LINGO1: variants seen among roughly 807,000 people sequenced by gnomAD.
The protein encoded by LINGO1 is leucine-rich repeat and immunoglobulin-like domain-containing nogo receptor-interacting protein 1.
LINGO1 carries 11 observed loss-of-function variants against 37.3 expected under a neutral mutation model. That is an observed-to-expected ratio of 0.29 (90% confidence interval 0.19 to 0.49). The LOEUF (loss-of-function observed/expected upper bound fraction) is 0.49, where lower values mean the gene tolerates loss of function less well. LINGO1 is among the 20% of genes least tolerant of loss of function. The pLI is 0.99. For missense variants in LINGO1, 585 were observed against 878.2 expected (o/e 0.67, Z 4.22); for synonymous variants, 387 against 403.0 (o/e 0.96, Z 0.48).
intron 1 of LINGO1, among the ~76,000 whole-genome samples, chr15:77,783,481 G>A (rs1473433026): frequency 1.3e-5 from 2 of 152,144 alleles, no homozygotes; most frequent in Non-Finnish European, 2.9e-5. Flanking sequence ...AAAGGGAGCA[G>A]GTGGGGCTGA....
chr15:77,671,990 A>G (rs1250474345), intron 3 of LINGO1, among the ~76,000 whole-genome samples: 4 of 144,926 alleles, frequency 2.8e-5, no homozygotes, highest in Admixed American at 2.0e-4. Context: ...CAAACACATG[A>G]TGAGCCTCTG....
At chr15:77,803,108 A>G (rs2076932704) in intron 1 of LINGO1, among the ~76,000 whole-genome samples, 1 of 152,144 alleles carries the variant, frequency 6.6e-6, no homozygotes, top group Non-Finnish European at 1.5e-5. Flanking sequence ...GCCTCTCCCT[A>G]CAGGGCTGGA....
At chr15:77,810,264 ACACT>A (rs969468096) in intron 1 of LINGO1, among the ~76,000 whole-genome samples, 56 of 130,848 alleles carry the variant, frequency 4.3e-4, no homozygotes, top group African/African-American at 1.3e-3. Context: ...ACACATGCAC[ACACT>A]CACACACACA....
At chr15:77,732,959 G>GC (rs1487965868) in intron 2 of LINGO1, among the ~76,000 whole-genome samples, 1 of 152,198 alleles carries the variant, frequency 6.6e-6, no homozygotes, top group Non-Finnish European at 1.5e-5. Context: ...ACCGGCCACG[G>GC]CCGGCCTCCT....
chr15:77,804,318 G>A (rs568822259), intron 1 of LINGO1, among the ~76,000 whole-genome samples: 2 of 152,278 alleles, frequency 1.3e-5, no homozygotes, highest in East Asian at 3.9e-4. Flanking sequence ...GATATGCACC[G>A]AAGGCAAGAG....
At chr15:77,779,329 C>A (rs1209676382) in intron 1 of LINGO1, among the ~76,000 whole-genome samples, 2 of 152,150 alleles carry the variant, frequency 1.3e-5, no homozygotes, top group African/African-American at 4.8e-5. Flanking sequence ...GACAATTTTT[C>A]CACAGCCCAG....
At chr15:77,715,725 A>C (rs2075975773) in intron 2 of LINGO1, among the ~76,000 whole-genome samples, 1 of 152,068 alleles carries the variant, frequency 6.6e-6, no homozygotes, top group Non-Finnish European at 1.5e-5. Flanking sequence ...CCTCCTCATA[A>C]ATACCTCCAC....
At chr15:77,815,847 A>G (rs2077043306) in intron 1 of LINGO1, among the ~76,000 whole-genome samples, 1 of 151,580 alleles carries the variant, frequency 6.6e-6, no homozygotes, top group Admixed American at 6.6e-5. Flanking sequence ...ATCAGCCCAC[A>G]CTCCTCAGAT....
chr15:77,751,684 G>A (rs1261122371), intron 1 of LINGO1, among the ~76,000 whole-genome samples: 2 of 152,156 alleles, frequency 1.3e-5, no homozygotes, highest in African/African-American at 4.8e-5. Flanking sequence ...AAACTGTAGG[G>A]TAAGGAGCAC....
chr15:77,763,867 C>T (rs2076501806), intron 1 of LINGO1, among the ~76,000 whole-genome samples: 1 of 152,146 alleles, frequency 6.6e-6, no homozygotes, highest in Admixed American at 6.5e-5. Flanking sequence ...AAACACAGGG[C>T]TTCTGCCATG....
chr15:77,758,974 C>CT, intron 1 of LINGO1, among the ~76,000 whole-genome samples: 1 of 152,152 alleles, frequency 6.6e-6, no homozygotes. Flanking sequence ...CCACTCAGCC[C>CT]ATAGGGAGCC....
chr15:77,642,935 C>A (rs931477650), intron 3 of LINGO1, among the ~76,000 whole-genome samples: 2 of 152,228 alleles, frequency 1.3e-5, no homozygotes, highest in African/African-American at 4.8e-5. Context: ...GCCTTAGCTG[C>A]CTGAGGCCAT....
At chr15:77,732,153 C>T (rs916717874) in intron 2 of LINGO1, among the ~76,000 whole-genome samples, 9 of 152,156 alleles carry the variant, frequency 5.9e-5, no homozygotes, top group African/African-American at 1.7e-4. Context: ...CACAGAGAAA[C>T]CATGAACCCA....
At chr15:77,750,638 C>G (rs1220752948) in intron 1 of LINGO1, among the ~76,000 whole-genome samples, 2 of 152,250 alleles carry the variant, frequency 1.3e-5, no homozygotes, top group African/African-American at 4.8e-5. Context: ...GCCAACAATA[C>G]GGCTTTTACC....
intron 1 of LINGO1, among the ~76,000 whole-genome samples, chr15:77,760,298 C>A (rs1337271152): frequency 1.3e-5 from 2 of 152,202 alleles, no homozygotes; most frequent in Non-Finnish European, 2.9e-5. Context: ...GTGAGCCCAG[C>A]CACTAAGGGT....
At chr15:77,743,946 C>T (rs558033450) in intron 1 of LINGO1, among the ~76,000 whole-genome samples, 1 of 152,192 alleles carries the variant, frequency 6.6e-6, no homozygotes, top group Non-Finnish European at 1.5e-5. Context: ...CCATCTGTAG[C>T]CAAGCCACAA....
At chr15:77,647,985 C>T (rs1441545246) in intron 3 of LINGO1, 1 of 453,380 alleles carries the variant, frequency 2.2e-6, no homozygotes, top group Non-Finnish European at 4.4e-6. Context: ...TTCCTTGCCT[C>T]CTTCTTTCCT....
chr15:77,631,604 A>C (rs2074256024), intron 1 of LINGO1, among the ~76,000 whole-genome samples: 1 of 151,924 alleles, frequency 6.6e-6, no homozygotes, highest in African/African-American at 2.4e-5. Flanking sequence ...CTCCCTCCTT[A>C]CCTCCCTCTT....
upstream of LINGO1, among the ~76,000 whole-genome samples, chr15:77,637,573 C>T (rs1345377187): frequency 6.6e-6 from 1 of 152,168 alleles, no homozygotes; most frequent in Non-Finnish European, 1.5e-5. This position sits in a 1 kb window ranked among gnomAD's most constrained non-coding sequence, Gnocchi z 4.6. Flanking sequence ...GGTCTCATGG[C>T]TTAACGTGTG....
Sources: allele counts gnomAD v4.1 joint callset (sites outside exome capture counted in the v4.1 genomes callset), GRCh38; gene constraint gnomAD v4.1.1; non-coding constraint Gnocchi (gnomAD v3.1); transcripts MANE v1.5; gene names NCBI Gene and HGNC (gene_info 2026-07-23, HGNC 2026-07-21).